Variants in SAMD12 observed in about 807,000 individuals in gnomAD.
The protein encoded by SAMD12 is sterile alpha motif domain-containing protein 12.
A neutral mutation model predicts 15.0 loss-of-function variants in SAMD12; 9 were observed. The ratio of observed to expected loss-of-function variants is 0.60; its 90% CI spans 0.36 to 1.05. SAMD12 has a LOEUF of 1.05. Among genes scored for constraint, SAMD12 ranks in the 50% least tolerant of loss-of-function variants. The pLI, the probability that SAMD12 is intolerant of heterozygous loss-of-function variation, is 0.01. For missense variants in SAMD12, 230 were observed against 234.2 expected (o/e 0.98, Z 0.12); for synonymous variants, 86 against 90.1 (o/e 0.96, Z 0.25).
chr8:118,242,514 T>C (rs1315860792), intron 4 of SAMD12, among the ~76,000 whole-genome samples: 1 of 152,098 alleles, frequency 6.6e-6, no homozygotes, highest in Non-Finnish European at 1.5e-5. Flanking sequence ...AATTGTCCTA[T>C]TATATTAGTT....
At chr8:118,550,949 TA>T (rs1344794630) in intron 2 of SAMD12, among the ~76,000 whole-genome samples, 1 of 150,258 alleles carries the variant, frequency 6.7e-6, no homozygotes, top group Non-Finnish European at 1.5e-5. Flanking sequence ...TACATAATGG[TA>T]AAGGGATCAA....
chr8:118,449,166 G>A (rs1823002874), intron 2 of SAMD12, among the ~76,000 whole-genome samples: 1 of 150,730 alleles, frequency 6.6e-6, no homozygotes, highest in African/African-American at 2.4e-5. Flanking sequence ...ATGTTCAAAC[G>A]ATTCTCCTTC....
intron 3 of SAMD12, among the ~76,000 whole-genome samples, chr8:118,419,611 G>T (rs189914296): frequency 6.6e-4 from 101 of 152,218 alleles, no homozygotes; most frequent in Admixed American, 1.6e-3. Flanking sequence ...TTCATTTGTT[G>T]GGAGAGAGGC....
intron 4 of SAMD12, among the ~76,000 whole-genome samples, chr8:118,272,652 T>C (rs1198971883): frequency 6.6e-6 from 1 of 152,200 alleles, no homozygotes; most frequent in Non-Finnish European, 1.5e-5. Flanking sequence ...TTTTGCCAGA[T>C]ACCCTAAATC....
At chr8:118,534,415 T>G (rs12550579) in intron 2 of SAMD12, among the ~76,000 whole-genome samples, 55,671 of 151,782 alleles carry the variant, frequency 0.37, 10,706 homozygotes, top group Admixed American at 0.44. Context: ...CTGACAATTA[T>G]GTGTCTTGGA....
At chr8:118,183,200 TC>T in the SAMD12 span, among the ~76,000 whole-genome samples, 23 of 152,164 alleles carry the variant, frequency 1.5e-4, no homozygotes, top group African/African-American at 5.3e-4. Context: ...CATGACCACC[TC>T]CCCTTTTCCT....
chr8:118,614,352 C>G (rs1048587058), intron 1 of SAMD12, among the ~76,000 whole-genome samples: 1 of 152,188 alleles, frequency 6.6e-6, no homozygotes, highest in African/African-American at 2.4e-5. Context: ...AAAGGAGTCT[C>G]AGAGCTGTTG....
chr8:118,208,530 C>T (rs1819931410), intron 4 of SAMD12, among the ~76,000 whole-genome samples: 2 of 152,092 alleles, frequency 1.3e-5, no homozygotes, highest in South Asian at 4.1e-4. Flanking sequence ...ACTGGCTACT[C>T]CTGAAAGAAG....
chr8:118,393,036 A>T (rs909565110), intron 3 of SAMD12, among the ~76,000 whole-genome samples: 1 of 152,132 alleles, frequency 6.6e-6, no homozygotes. Flanking sequence ...AGGAGGCAAA[A>T]CAACAAAACA....
intron 2 of SAMD12, among the ~76,000 whole-genome samples, chr8:118,487,181 G>A (rs1824315110): frequency 6.6e-6 from 1 of 152,096 alleles, no homozygotes; most frequent in Admixed American, 6.6e-5. Context: ...TTCCCACCAA[G>A]GCAACCCATT....
intron 3 of SAMD12, among the ~76,000 whole-genome samples, chr8:118,411,659 A>G (rs1299227535): frequency 2.0e-5 from 3 of 152,190 alleles, no homozygotes; most frequent in Non-Finnish European, 2.9e-5. Flanking sequence ...AATAGAGTGA[A>G]TTCCAATAAG....
At chr8:118,155,369 G>A in the SAMD12 span, among the ~76,000 whole-genome samples, 3 of 152,144 alleles carry the variant, frequency 2.0e-5, no homozygotes, top group African/African-American at 7.2e-5. Flanking sequence ...TTTTGGGGGG[G>A]TGGGCCACAT....
Position 118,261,452 on chromosome 8 carries a change from C to G in SAMD12, c.434-63720G>C, listed in dbSNP as rs141824390. Among the ~76,000 whole-genome samples, 51 of 152,154 alleles carry G rather than the reference C, an allele frequency of 3.4e-4. No homozygotes were observed. In the East Asian group the frequency reaches 9.7e-3, roughly 29 times the overall value. ...ACAAGAAAGGAAAAATTAAATTCAA[C>G]AAGACTCTCACATTTCAGCAAAAGT... On this transcript the variant is annotated intron_variant, in intron 4 of 4. Transcript: ENST00000409003.
Position 118,395,912 on chromosome 8 carries a change from G to A in SAMD12, c.323-16212C>T, listed in dbSNP as rs191906023. Among the ~76,000 whole-genome samples, 24 of 145,798 alleles carry A rather than the reference G, an allele frequency of 1.6e-4. No individual in the cohort carries two copies. In the South Asian group the frequency reaches 2.6e-3, roughly 16 times the overall value. ...GGCGGAGCTTGCAGTGAGTAAGATC[G>A]CAAGAGCAAGACTCCATCTCAAAAA... On this transcript the variant is annotated intron_variant, in intron 3 of 3. Transcript: ENST00000314727.
intron 4 of SAMD12, among the ~76,000 whole-genome samples, chr8:118,208,937 TCCATCATGTTCC>T (rs756645970): frequency 1.7e-4 from 26 of 152,338 alleles, no homozygotes; most frequent in Non-Finnish European, 3.8e-4. Flanking sequence ...TCCTCTGTTC[TCCATCATGTTCC>T]CAGAATCACT....
intron 4 of SAMD12, among the ~76,000 whole-genome samples, chr8:118,292,375 C>CACACACACACACACACACAT (rs901976215): frequency 3.3e-5 from 5 of 151,398 alleles, no homozygotes; most frequent in Non-Finnish European, 5.9e-5. Flanking sequence ...CACACACACA[C>CACACACACACACACACACAT]ATATTCCGGA....
At chr8:118,454,592 G>A (rs1191787134) in intron 2 of SAMD12, among the ~76,000 whole-genome samples, 3 of 152,098 alleles carry the variant, frequency 2.0e-5, no homozygotes, top group Non-Finnish European at 4.4e-5. Flanking sequence ...TTCAAATTGA[G>A]TATCTACATT....
At chr8:118,389,758 T>G (rs1277096635) in intron 3 of SAMD12, among the ~76,000 whole-genome samples, 1 of 151,868 alleles carries the variant, frequency 6.6e-6, no homozygotes, top group African/African-American at 2.4e-5. Context: ...ACTGGACAAA[T>G]TATTTTTTCC....
chr8:118,286,989 A>G (rs1350161450), intron 4 of SAMD12, among the ~76,000 whole-genome samples: 1 of 152,142 alleles, frequency 6.6e-6, no homozygotes, highest in Non-Finnish European at 1.5e-5. Context: ...AGCACGTACT[A>G]TTCCTATGAC....
Sources: allele counts gnomAD v4.1 joint callset (sites outside exome capture counted in the v4.1 genomes callset), GRCh38; gene constraint gnomAD v4.1.1; transcripts MANE v1.5; gene names NCBI Gene and HGNC (gene_info 2026-07-23, HGNC 2026-07-21).